Variants in CFAP69 observed in about 807,000 individuals in gnomAD.
CFAP69 encodes cilia and flagella associated protein 69.
CFAP69 carries 92 observed loss-of-function variants against 123.0 expected under a neutral mutation model. The ratio of observed to expected loss-of-function variants is 0.75; its 90% confidence interval spans 0.63 to 0.89. The LOEUF is 0.89. CFAP69 is among the 40% of genes least tolerant of loss of function. The pLI, the probability that CFAP69 is intolerant of heterozygous loss-of-function variation, is 0.00. For missense variants in CFAP69, 1,067 were observed against 1,096.9 expected (o/e 0.97, Z 0.39); for synonymous variants, 380 against 364.3 (o/e 1.04, Z -0.49).
In CFAP69 at chr7:90,245,323, C is replaced by A; in HGVS notation, c.-102C>A. The stretch of plus-strand genomic sequence containing the variant: ...TTTCGCGACTCTAGCGACTCTCAGG[C>A]TGCCTTCCCTTCTCGGTGGCGGGGC... On this transcript the variant is annotated 5_prime_UTR_variant, in exon 1 of 23. The change creates a new upstream start codon in the 5' untranslated region. Transcript: ENST00000389297. 5.0e-6 allele frequency: 7 copies of A among 1,405,018 alleles called. No homozygotes were observed. Among genetic ancestry groups the A allele is most frequent in the Non-Finnish European group, 6.5e-6 (7 of 1,076,794 alleles). 87.0% of individuals were successfully genotyped at this position (1,405,018 alleles called of 1,614,324 possible).
Position 90,309,291 on chromosome 7 carries a change from T to C in CFAP69, c.2579T>C (p.Ile860Thr), listed in dbSNP as rs758466834. The C allele has an allele frequency of 5.1e-6, 8 of 1,576,262 alleles. No individual in the cohort carries two copies. In the East Asian group the frequency reaches 1.8e-4, roughly 36 times the overall value. The change falls in exon 22 of 23, where the codon ATA becomes ACA. Residue 860 changes from isoleucine (I) to threonine (T), a missense_variant. Coordinates refer to ENST00000389297, the MANE Select transcript of CFAP69 (RefSeq NM_001039706.3). ...KKAKSLQEKA[I>T]EASRYHKRPQ... is the part of the protein sequence containing the mutation. The stretch of plus-strand genomic sequence containing the variant: ...GCAAAAAGCCTTCAAGAAAAAGCTA[T>C]AGAAGCCTCCAGATACCATAAACGA...
intron 13 of CFAP69, among the ~76,000 whole-genome samples, chr7:90,285,349 C>T (rs1227008841): frequency 1.3e-5 from 2 of 152,144 alleles, no homozygotes; most frequent in Non-Finnish European, 2.9e-5. Flanking sequence ...GGCCCTTCTA[C>T]TTTGGAACAT....
intron 13 of CFAP69, among the ~76,000 whole-genome samples, chr7:90,284,439 T>A (rs1462084179): frequency 6.6e-6 from 1 of 152,126 alleles, no homozygotes; most frequent in African/African-American, 2.4e-5. Context: ...AAATAAAATA[T>A]AAATGTTTAT....
intron 15 of CFAP69, among the ~76,000 whole-genome samples, chr7:90,288,876 TACTGTAATTTTTTTTTTACTTTATAAA>T (rs1282354767): frequency 3.6e-5 from 5 of 138,910 alleles, no homozygotes; most frequent in Non-Finnish European, 7.6e-5. Context: ...AACCTTAGAT[TACTGTAATTTTTTTTTTACTTTATAAA>T]TGTTTTCATT....
At chr7:90,304,844 A>G (rs1793332091) in intron 19 of CFAP69, 24 bp downstream of exon 19, 3 of 1,332,900 alleles carry the variant, frequency 2.3e-6, no homozygotes, top group Non-Finnish European at 2.1e-6. Flanking sequence ...TAATAACCTG[A>G]TTATTAAAAT....
At chr7:90,291,103 A>G (rs914721531) in intron 15 of CFAP69, among the ~76,000 whole-genome samples, 19 of 152,126 alleles carry the variant, frequency 1.2e-4, no homozygotes, top group Admixed American at 6.6e-5. Flanking sequence ...CACACACAGG[A>G]AAGAATTCAG....
rs367907075 is a variant in CFAP69, at chr7:90,304,722, G to T, written c.2189-22G>T. ...TCACTTGCTCTGCTAAAGTAATTCTGTCTTTATAAACTTTATTTTAGATTT... is the reference window on the plus strand; with the variant it reads ...TCACTTGCTCTGCTAAAGTAATTCTTTCTTTATAAACTTTATTTTAGATTT... On this transcript the variant is annotated intron_variant, in intron 18 of 22. Transcript: ENST00000389297. 8.2e-5 allele frequency: 131 copies of T among 1,595,550 alleles called. No individual in the cohort carries two copies. The African/African-American group carries it at 1.7e-3, about 21-fold the overall frequency.
At chr7:90,296,960 G>A (rs1356265146) in intron 15 of CFAP69, among the ~76,000 whole-genome samples, 1 of 151,386 alleles carries the variant, frequency 6.6e-6, no homozygotes, top group African/African-American at 2.4e-5. Context: ...GACCTTAAAA[G>A]GTGCCGGACT....
chr7:90,280,236 C>T (rs1789270491), intron 12 of CFAP69, among the ~76,000 whole-genome samples: 3 of 152,154 alleles, frequency 2.0e-5, no homozygotes, highest in Admixed American at 2.0e-4. Flanking sequence ...CTCACCCTGT[C>T]ACCCAGGCTA....
At chr7:90,282,632 A>G (rs1789658415) in intron 12 of CFAP69, among the ~76,000 whole-genome samples, 2 of 152,250 alleles carry the variant, frequency 1.3e-5, no homozygotes, top group Non-Finnish European at 2.9e-5. Context: ...AATTTTTAAA[A>G]TAAACATGTT....
intron 15 of CFAP69, among the ~76,000 whole-genome samples, chr7:90,292,020 G>T (rs1465080558): frequency 3.9e-5 from 6 of 152,074 alleles, no homozygotes; most frequent in Non-Finnish European, 5.9e-5. Flanking sequence ...AACAACAGGT[G>T]TACCATAGTT....
chr7:90,257,108 A>G (rs2116668948), intron 2 of CFAP69, among the ~76,000 whole-genome samples: 1 of 152,324 alleles, frequency 6.6e-6, no homozygotes, highest in African/African-American at 2.4e-5. Context: ...AACAGAGATC[A>G]TAGTAGTATC....
At position 90,309,326 on chromosome 7, in the gene CFAP69, G is replaced by A. The variant is rs1794037876; in HGVS notation, c.2614G>A (p.Ala872Thr). The change falls in exon 22 of 23, where the codon GCA becomes ACA. Residue 872 changes from alanine (A) to threonine (T), a missense_variant. Ala to Thr is a moderately conservative substitution (Grantham distance 58). Coordinates refer to ENST00000389297, the MANE Select transcript of CFAP69 (RefSeq NM_001039706.3). ...ASRYHKRPQNAIFHQTHIKGL... is the reference protein window; with the variant it reads ...ASRYHKRPQNTIFHQTHIKGL... ...CAGATACCATAAACGACCACAAAAT[G>A]CAATATTTCACCAAACACATATTAA... 1.9e-6 allele frequency: 3 copies of A among 1,587,988 alleles called. No individual in the cohort carries two copies. In the East Asian group the frequency reaches 6.9e-5, roughly 36 times the overall value.
intron 22 of CFAP69, among the ~76,000 whole-genome samples, chr7:90,309,600 T>C (rs779121914): frequency 3.3e-5 from 5 of 151,638 alleles, no homozygotes; most frequent in Non-Finnish European, 5.9e-5. Flanking sequence ...GTCAATGGGA[T>C]TTTCATCTCA....
At position 90,271,892 on chromosome 7, in the gene CFAP69, G is replaced by GA. The variant is rs747721639; in HGVS notation, c.794_795insA (p.Trp265Ter). The change falls in exon 8 of 23, where the codon TGG becomes TGAG. Residue 265 changes from tryptophan to a stop codon, truncating the protein, a stop_gained and frameshift_variant. Transcript: ENST00000389297. LOFTEE classifies it high-confidence loss of function. ...TTATTTCGTTCATCAGAAATACTTTGGAACTTGCTGGAAAAATCTTCAAAA... is the reference window on the plus strand; with the variant it reads ...TTATTTCGTTCATCAGAAATACTTTGAGAACTTGCTGGAAAAATCTTCAAAA... The part of the protein sequence containing the change: ...QLLFRSSEIL[W>*]NLLEKSSKEE... 13 of 1,612,484 alleles carry GA rather than the reference G, an allele frequency of 8.1e-6. No homozygotes were observed. Among genetic ancestry groups the GA allele is most frequent in the South Asian group, 5.5e-5 (5 of 90,828 alleles).
intron 22 of CFAP69, 98 bp downstream of exon 22, chr7:90,309,465 T>A (rs897482331): frequency 8.7e-6 from 5 of 573,318 alleles, no homozygotes; most frequent in Non-Finnish European, 1.5e-5. Context: ...ATTTTACCCA[T>A]TAAATGGATG....
rs1392053661 is a variant in CFAP69 at position 90,279,892 on chromosome 7, A to G, written c.1371A>G (p.Glu457=). 4.4e-6 allele frequency: 7 copies of G among 1,577,728 alleles called. No individual in the cohort carries two copies. The highest frequency in any genetic ancestry group is 6.0e-6 in the Non-Finnish European group (7 of 1,165,164). The stretch of plus-strand genomic sequence containing the variant: ...CATTTCTAGAATGGTGTGAGAGTGA[A>G]GGTGAGTGGCCCTTCAAGATTCTTG... ...VLAFLEWCES[E]DPFFSHGNSF... Residue 457 remains glutamate (E), a splice_region_variant and synonymous_variant, in exon 12 of 23, where the codon GAA becomes GAG. Transcript: ENST00000389297.
At chr7:90,309,992 T>C in intron 22 of CFAP69, 76 bp from the exon 23 acceptor site, 1 of 1,219,306 alleles carries the variant, frequency 8.2e-7, no homozygotes, top group East Asian at 2.4e-5. Flanking sequence ...AAAAGTAAGC[T>C]GAAGGATGAA....
chr7:90,277,289 A>T lies in CFAP69; in HGVS notation c.1110A>T (p.Leu370=). ...AAGATTTTGAGTTGAAGAAATTACT[A>T]TTCAACGTAATTGTGATCTTATGTA... The part of the protein sequence containing the change: ...SYEDFELKKL[L]FNVIVILCKD... The change falls in exon 11 of 23, where the codon CTA becomes CTT. Residue 370 remains leucine (L), a synonymous_variant. Coordinates refer to ENST00000389297, the MANE Select transcript of CFAP69 (RefSeq NM_001039706.3). 6.3e-7 allele frequency: 1 copy of T among 1,585,762 alleles called. No individual in the cohort carries two copies. The highest frequency in any genetic ancestry group is 1.8e-5 in the Admixed American group (1 of 55,872).
Sources: gnomAD v4.1 joint callset for allele counts (sites outside exome capture counted in the v4.1 genomes callset) on GRCh38, gnomAD v4.1.1 for gene constraint, MANE v1.5 for transcripts, NCBI Gene and HGNC (gene_info 2026-07-23, HGNC 2026-07-21) for gene names.